Variants in ADAMTS3 observed in about 807,000 individuals in gnomAD.
The protein encoded by ADAMTS3 is A disintegrin and metalloproteinase with thrombospondin motifs 3.
A neutral mutation model predicts 129.0 loss-of-function variants in ADAMTS3; 73 were observed. The observed-to-expected ratio is 0.57, with a 90% CI of 0.47 to 0.69. ADAMTS3 has a LOEUF of 0.69. ADAMTS3 is among the 30% of genes least tolerant of loss of function. ADAMTS3 has a pLI of 0.00. For missense variants in ADAMTS3, 1,457 were observed against 1,514.5 expected (o/e 0.96, Z 0.63); for synonymous variants, 477 against 510.8 (o/e 0.93, Z 0.89).
intron 3 of ADAMTS3, among the ~76,000 whole-genome samples, chr4:72,449,593 T>C (rs914588428): frequency 1.3e-5 from 2 of 151,816 alleles, no homozygotes; most frequent in African/African-American, 4.8e-5. Context: ...GACAGACTCC[T>C]GCCCATCCTC....
At chr4:72,384,539 C>G (rs1185386106) in intron 4 of ADAMTS3, among the ~76,000 whole-genome samples, 1 of 152,098 alleles carries the variant, frequency 6.6e-6, no homozygotes, top group Non-Finnish European at 1.5e-5. Flanking sequence ...GAAACCAAAA[C>G]TTTAAAAACT....
chr4:72,308,113 C>T (rs77560660), intron 15 of ADAMTS3, among the ~76,000 whole-genome samples: 1 of 151,960 alleles, frequency 6.6e-6, no homozygotes, highest in East Asian at 1.9e-4. Flanking sequence ...CAAGAAAGCA[C>T]AGTATATTAT....
At position 72,318,667 on chromosome 4, in the gene ADAMTS3, C is replaced by A; in HGVS notation, c.1390G>T (p.Asp464Tyr). The change falls in exon 10 of 22, where the codon GAT (aspartate) becomes TAT (tyrosine). Residue 464 changes from aspartate (D) to tyrosine (Y), a missense_variant. Asp to Tyr is a radical substitution (Grantham distance 160). Coordinates refer to ENST00000286657, the MANE Select transcript of ADAMTS3 (RefSeq NM_014243.3). ...GGAAGTTCTGGGAGTTTAGGCCAAT[C>A]ATGATCAAAAGGGTCATCAAGGAGA... ...DCLLDDPFDHDWPKLPELPGI... is the reference protein window; with the variant it reads ...DCLLDDPFDHYWPKLPELPGI... The A allele has an allele frequency of 1.2e-6, 2 of 1,613,682 alleles. No individual in the cohort carries two copies. Among genetic ancestry groups the A allele is most frequent in the Non-Finnish European group, 1.7e-6 (2 of 1,179,824 alleles).
chr4:72,455,377 GA>G (rs879139414), intron 3 of ADAMTS3, among the ~76,000 whole-genome samples: 32 of 151,700 alleles, frequency 2.1e-4, no homozygotes, highest in African/African-American at 7.0e-4. Flanking sequence ...CACAGGAACA[GA>G]AAACCAAACA....
At position 72,434,561 on chromosome 4, in the gene ADAMTS3, T is replaced by C. The variant is rs566937270; in HGVS notation, c.505-19590A>G. Among the ~76,000 whole-genome samples, 7 of 151,906 alleles carry C rather than the reference T, an allele frequency of 4.6e-5. No homozygotes were observed. The South Asian group carries it at 1.0e-3, about 23-fold the overall frequency. On this transcript the variant is annotated intron_variant, in intron 3 of 21. Transcript: ENST00000286657. ...CTAAGGTGGCCCCCCCAAATTCCTATACCCCAGCCAACAGTGTGCACATCC... is the reference window on the plus strand; with the variant it reads ...CTAAGGTGGCCCCCCCAAATTCCTACACCCCAGCCAACAGTGTGCACATCC...
At chr4:72,311,368 G>A (rs1231754121) in intron 13 of ADAMTS3, among the ~76,000 whole-genome samples, 187 bp from the exon 14 acceptor site, 2 of 151,796 alleles carry the variant, frequency 1.3e-5, no homozygotes, top group Non-Finnish European at 2.9e-5. Context: ...TTTTAGCTAA[G>A]GTGACCATAA....
At chr4:72,383,769 G>C (rs1211709710) in intron 4 of ADAMTS3, among the ~76,000 whole-genome samples, 1 of 152,102 alleles carries the variant, frequency 6.6e-6, no homozygotes, top group Non-Finnish European at 1.5e-5. Context: ...CATTCAAAAT[G>C]TTTAAGAAAC....
intron 3 of ADAMTS3, among the ~76,000 whole-genome samples, chr4:72,480,195 G>T (rs1008713679): frequency 2.6e-5 from 4 of 152,096 alleles, no homozygotes; most frequent in African/African-American, 9.7e-5. Context: ...CCATTACTGG[G>T]TATATACCCA....
At chr4:72,513,939 G>T (rs1720383869) in intron 3 of ADAMTS3, among the ~76,000 whole-genome samples, 1 of 152,018 alleles carries the variant, frequency 6.6e-6, no homozygotes, top group Non-Finnish European at 1.5e-5. Context: ...GCAGTATTTG[G>T]TTTTCTATTT....
At chr4:72,519,676 C>A (rs1466815616) in intron 3 of ADAMTS3, among the ~76,000 whole-genome samples, 1 of 152,336 alleles carries the variant, frequency 6.6e-6, no homozygotes, top group East Asian at 1.9e-4. Context: ...CAAGCCTTGG[C>A]TTTCAGCTCC....
intron 14 of ADAMTS3, 146 bp from the exon 15 acceptor site, chr4:72,309,666 C>A: frequency 1.3e-6 from 1 of 785,510 alleles, no homozygotes; most frequent in Non-Finnish European, 1.9e-6. Flanking sequence ...ATTTTTAATA[C>A]CTCAGTTTTT....
chr4:72,446,829 C>G (rs978016761), intron 3 of ADAMTS3, among the ~76,000 whole-genome samples: 6 of 151,504 alleles, frequency 4.0e-5, no homozygotes, highest in African/African-American at 1.5e-4. Context: ...AGATTTTTTT[C>G]TATCCCTTCT....
At chr4:72,373,864 C>T (rs796764210) in intron 4 of ADAMTS3, among the ~76,000 whole-genome samples, 17 of 151,276 alleles carry the variant, frequency 1.1e-4, no homozygotes, top group African/African-American at 4.1e-4. Context: ...CACACCACTG[C>T]ACTCTAGACT....
chr4:72,533,554 T>C (rs1578772122), intron 3 of ADAMTS3, among the ~76,000 whole-genome samples: 1 of 152,134 alleles, frequency 6.6e-6, no homozygotes, highest in Admixed American at 6.6e-5. Context: ...TTGCAGGTGC[T>C]ATACTTTTGA....
chr4:72,548,774 C>A lies in ADAMTS3; in HGVS notation c.208G>T (p.Ala70Ser). ...TLSASHKKRS[A>S]RDVSSNPEQL... ...TCAGGGTTGGAAGACACGTCCCTCG[C>A]TGACCTCTTTTTGTGACTCGCAGAA... The change falls in exon 3 of 22, where the codon GCG becomes TCG. Residue 70 changes from alanine to serine, a missense_variant. Coordinates refer to ENST00000286657, the MANE Select transcript of ADAMTS3 (RefSeq NM_014243.3). 1 of 1,613,956 alleles carries A rather than the reference C, an allele frequency of 6.2e-7. No individual in the cohort carries two copies. Among genetic ancestry groups the A allele is most frequent in the Admixed American group, 1.7e-5 (1 of 59,974 alleles).
chr4:72,308,284 A>G (rs1719140744), intron 15 of ADAMTS3, among the ~76,000 whole-genome samples: 1 of 151,952 alleles, frequency 6.6e-6, no homozygotes, highest in Non-Finnish European at 1.5e-5. Flanking sequence ...ATAACACAGG[A>G]ATAGCAAAGA....
At position 72,521,290 on chromosome 4, in the gene ADAMTS3, G is replaced by A. The variant is rs113162641; in HGVS notation, c.504+27188C>T. Among the ~76,000 whole-genome samples, 657 of 152,274 alleles carry A rather than the reference G, an allele frequency of 4.3e-3. 3 individuals carry two copies. Among genetic ancestry groups the A allele is most frequent in the Non-Finnish European group, 6.0e-3 (407 of 68,014 alleles). ...TAAGATTACAGGCATGAGCCACCGT[G>A]CTAGGTCAATATTTACAATCTTTAT... is the stretch of plus-strand genomic sequence containing the variant. On this transcript the variant is annotated intron_variant, in intron 3 of 21. Coordinates refer to ENST00000286657, the MANE Select transcript of ADAMTS3 (RefSeq NM_014243.3).
In ADAMTS3 at chr4:72,564,410, ACT is replaced by A. The variant is rs1468308337; in HGVS notation, c.97+2962_97+2963del. Among the ~76,000 whole-genome samples the A allele has an allele frequency of 1.9e-4, 29 of 152,278 alleles. 1 individual carries two copies. In the South Asian group the frequency reaches 5.4e-3, roughly 28 times the overall value. On this transcript the variant is annotated intron_variant, in intron 2 of 21. Transcript: ENST00000286657. ...AACTCAGGCATCCTACCAAGGCAAT[ACT>A]CTGAGTCAGAAATGACAGTGCTCCC...
At chr4:72,410,235 G>A (rs943184368) in intron 4 of ADAMTS3, among the ~76,000 whole-genome samples, 5 of 152,044 alleles carry the variant, frequency 3.3e-5, no homozygotes, top group Non-Finnish European at 7.4e-5. Context: ...TAATCTTCTC[G>A]TTTTTCTAGT....
Sources: gnomAD v4.1 joint callset for allele counts (sites outside exome capture counted in the v4.1 genomes callset) on GRCh38, gnomAD v4.1.1 for gene constraint, MANE v1.5 for transcripts, NCBI Gene and HGNC (gene_info 2026-07-23, HGNC 2026-07-21) for gene names.